Variants in FGD4 observed in about 807,000 individuals in gnomAD.
FGD4 encodes the protein FYVE, RhoGEF and PH domain containing 4.
Under a neutral mutation model 102.0 loss-of-function variants are expected in FGD4, and 42 were observed. The observed-to-expected ratio is 0.41, with a 90% confidence interval of 0.32 to 0.53. The LOEUF (loss-of-function observed/expected upper bound fraction) is 0.53. FGD4 is among the 20% of genes least tolerant of loss of function. FGD4 has a pLI of 0.21. For missense variants in FGD4, 902 were observed against 1,078.2 expected (o/e 0.84, Z 2.29); for synonymous variants, 380 against 375.7 (o/e 1.01, Z -0.13).
intron 2 of FGD4, among the ~76,000 whole-genome samples, chr12:32,565,567 C>T (rs1226945873): frequency 6.6e-6 from 1 of 152,096 alleles, no homozygotes; most frequent in African/African-American, 2.4e-5. Flanking sequence ...TTGTAATTTT[C>T]CTGATCAAAG....
At chr12:32,423,264 A>G (rs974050343) in intron 1 of FGD4, among the ~76,000 whole-genome samples, 1 of 152,296 alleles carries the variant, frequency 6.6e-6, no homozygotes, top group African/African-American at 2.4e-5. Context: ...TTCAAGAACA[A>G]GCTGACAGTA....
At chr12:32,440,904 AAG>A (rs1942412831) in intron 1 of FGD4, among the ~76,000 whole-genome samples, 1 of 152,208 alleles carries the variant, frequency 6.6e-6, no homozygotes, top group South Asian at 2.1e-4. Flanking sequence ...CCAAAGGCAG[AAG>A]AGCCTCATCC....
chr12:32,626,633 A>AT (rs975836079), intron 14 of FGD4, among the ~76,000 whole-genome samples: 1 of 152,116 alleles, frequency 6.6e-6, no homozygotes, highest in African/African-American at 2.4e-5. Flanking sequence ...TAGATAAATA[A>AT]TGGCCAAGGG....
intron 12 of FGD4, 87 bp from the exon 13 acceptor site, chr12:32,624,889 C>G (rs1950055091): frequency 2.6e-6 from 3 of 1,144,674 alleles, no homozygotes; most frequent in African/African-American, 1.5e-5. Flanking sequence ...AAAGTGATTC[C>G]TATCATAGAT....
At chr12:32,579,716 C>T (rs1946443665) in intron 3 of FGD4, 1 of 152,188 alleles carries the variant, frequency 6.6e-6, no homozygotes, top group Non-Finnish European at 1.5e-5. Flanking sequence ...CAAAGTTGTC[C>T]TCCTCAAGGG....
chr12:32,547,473 T>TA (rs561217511), intron 1 of FGD4, among the ~76,000 whole-genome samples: 91 of 152,274 alleles, frequency 6.0e-4, no homozygotes, highest in African/African-American at 2.2e-3. Flanking sequence ...CCTAACCACT[T>TA]ACCACCTCTT....
intron 1 of FGD4, among the ~76,000 whole-genome samples, chr12:32,493,956 A>G (rs993292810): frequency 1.3e-5 from 2 of 152,216 alleles, no homozygotes; most frequent in African/African-American, 4.8e-5. Context: ...TGTAGAAACA[A>G]GAGGAAGATC....
At chr12:32,481,920 A>G (rs1565767898) in intron 1 of FGD4, among the ~76,000 whole-genome samples, 1 of 152,188 alleles carries the variant, frequency 6.6e-6, no homozygotes, top group Non-Finnish European at 1.5e-5. Flanking sequence ...CTTATTATAT[A>G]GCACAATTAT....
intron 4 of FGD4, among the ~76,000 whole-genome samples, chr12:32,593,021 A>G (rs181186862): frequency 2.9e-4 from 44 of 152,294 alleles, no homozygotes; most frequent in African/African-American, 1.1e-3. Context: ...GAGCCAAGGT[A>G]TATCATGAAT....
At chr12:32,596,579 A>G (rs531407784) in intron 4 of FGD4, among the ~76,000 whole-genome samples, 1 of 136,410 alleles carries the variant, frequency 7.3e-6, no homozygotes, top group Admixed American at 7.7e-5. Flanking sequence ...TATGCAATGG[A>G]AAGTTTTTTT....
At chr12:32,441,054 C>T (rs1388453318) in intron 1 of FGD4, among the ~76,000 whole-genome samples, 1 of 152,188 alleles carries the variant, frequency 6.6e-6, no homozygotes, top group Non-Finnish European at 1.5e-5. Flanking sequence ...AGTGGGCTCC[C>T]CTCTGGCCTG....
chr12:32,609,306 C>CAACTACTT (rs1948989959), intron 8 of FGD4, among the ~76,000 whole-genome samples: 1 of 152,204 alleles, frequency 6.6e-6, no homozygotes, highest in Non-Finnish European at 1.5e-5. Context: ...CTCCTCAAAC[C>CAACTACTT]AACTACTTCC....
chr12:32,500,346 A>G (rs567569875), intron 1 of FGD4, among the ~76,000 whole-genome samples: 13 of 151,896 alleles, frequency 8.6e-5, no homozygotes, highest in African/African-American at 2.9e-4. Flanking sequence ...GTTAATAGAA[A>G]CATTTCCCCT....
At chr12:32,490,606 C>A (rs970872402) in intron 1 of FGD4, among the ~76,000 whole-genome samples, 3 of 148,494 alleles carry the variant, frequency 2.0e-5, no homozygotes, top group African/African-American at 7.3e-5. Flanking sequence ...ACCATATTGG[C>A]CAGGCTGGTC....
At chr12:32,502,935 G>A (rs780523919) in intron 1 of FGD4, among the ~76,000 whole-genome samples, 32 of 152,222 alleles carry the variant, frequency 2.1e-4, no homozygotes, top group Non-Finnish European at 2.6e-4. Flanking sequence ...AGGAAGATCA[G>A]CTTCTATTTC....
chr12:32,481,127 CAAAAAAAAA>C (rs1157108520), intron 1 of FGD4, among the ~76,000 whole-genome samples: 54 of 27,346 alleles, frequency 2.0e-3, no homozygotes, highest in African/African-American at 6.2e-3. Context: ...GACTCCGTCT[CAAAAAAAAA>C]AAAAAAAAAA....
intron 3 of FGD4, among the ~76,000 whole-genome samples, chr12:32,579,965 C>T (rs1274895411): frequency 6.6e-6 from 1 of 152,240 alleles, no homozygotes; most frequent in Non-Finnish European, 1.5e-5. Flanking sequence ...TGACACATCT[C>T]AGCATTGTCC....
chr12:32,627,162 C>CT (rs201386572), intron 14 of FGD4, among the ~76,000 whole-genome samples: 21,541 of 136,332 alleles, frequency 0.16, 1,770 homozygotes, highest in Middle Eastern at 0.28. Context: ...CATTTTTTTT[C>CT]TTTTTTTTTT....
intron 1 of FGD4, among the ~76,000 whole-genome samples, chr12:32,487,999 T>C (rs902128695): frequency 1.3e-5 from 2 of 152,246 alleles, no homozygotes; most frequent in African/African-American, 4.8e-5. Flanking sequence ...GGTTCTTCTA[T>C]GTTCCAAGTC....
Sources: allele counts gnomAD v4.1 joint callset (sites outside exome capture counted in the v4.1 genomes callset), GRCh38; gene constraint gnomAD v4.1.1; transcripts MANE v1.5; gene names NCBI Gene and HGNC (gene_info 2026-07-23, HGNC 2026-07-21).